The following DACH2 variants were observed in gnomAD, a reference collection of about 807,000 sequenced individuals.
The protein encoded by DACH2 is dachshund family transcription factor 2, also known as dachshund homolog 2.
In DACH2, 17 loss-of-function variants were observed where a neutral mutation model predicts 35.8. The ratio of observed to expected loss-of-function variants is 0.48; its 90% confidence interval spans 0.33 to 0.71. The LOEUF is 0.71. Ranked by LOEUF, DACH2 falls within the 30% of genes least tolerant of loss-of-function variation. The pLI is 0.02. For synonymous variants in DACH2, 195 were observed against 177.3 expected (o/e 1.10, Z -0.79); for missense variants, 469 against 472.7 (o/e 0.99, Z 0.07).
At position 86,646,966 on chromosome X, in the gene DACH2, G is replaced by A. The variant is rs190541057; in HGVS notation, c.641-4070G>A. Reference sequence around the variant, plus strand: ...CATCAGGGAAATGCAAATCAAAACCGTAATGAGATATCACCTCACACTTGT... The same window carrying A: ...CATCAGGGAAATGCAAATCAAAACCATAATGAGATATCACCTCACACTTGT... On this transcript the variant is annotated intron_variant, in intron 3 of 11. Coordinates refer to ENST00000373125, the MANE Select transcript of DACH2 (RefSeq NM_053281.3). 2.0e-3 allele frequency among the ~76,000 whole-genome samples: 223 copies of A among 109,007 alleles called. 1 individual carries two copies. Among genetic ancestry groups the A allele is most frequent in the African/African-American group, 6.8e-3 (206 of 30,259 alleles). The allele number at this position is 109,007 out of a possible 115,157, so 94.7% of individuals were successfully genotyped here. A position where few individuals can be genotyped will look rare whatever the true frequency, so the allele number is the denominator to read the frequency against.
Position 86,243,904 on chromosome X carries a change from C to G in DACH2, c.488+94796C>G, listed in dbSNP as rs1179488137. On this transcript the variant is annotated intron_variant, in intron 1 of 11. Transcript: ENST00000373125. ...ATATGAAGCATCTGTACTTCATCAC[C>G]TTTACATTAGGAAATTGGCAGTATT... 3.6e-5 allele frequency among the ~76,000 whole-genome samples: 4 copies of G among 111,450 alleles called. No homozygotes were observed. The Admixed American group carries it at 3.8e-4, about 11-fold the overall frequency.
chrX:86,500,414 T>C lies in DACH2; in HGVS notation c.528-13865T>C, dbSNP rs137928618. On this transcript the variant is annotated intron_variant, in intron 2 of 11. Coordinates refer to ENST00000373125, the MANE Select transcript of DACH2 (RefSeq NM_053281.3). ...TTTGCCTTTGACTTTAGGTTCTAAA[T>C]AATATGACATACTTCCCTAAGGAAC... Among the ~76,000 whole-genome samples the C allele has an allele frequency of 2.4e-3, 270 of 111,829 alleles. 5 individuals carry two copies. The East Asian group carries it at 0.027, about 11-fold the overall frequency.
intron 2 of DACH2, among the ~76,000 whole-genome samples, chrX:86,460,315 T>G (rs2148208978): frequency 9.0e-6 from 1 of 111,318 alleles, no homozygotes; most frequent in South Asian, 3.7e-4. Flanking sequence ...AAATGTTATG[T>G]GTAAACAAAT....
At chrX:86,417,405 A>G (rs1352981105) in intron 2 of DACH2, among the ~76,000 whole-genome samples, 1 of 112,173 alleles carries the variant, frequency 8.9e-6, no homozygotes, top group African/African-American at 3.2e-5. Context: ...AAAGAAAGAG[A>G]TTTATTAGAC....
chrX:86,805,671 A>C (rs1301083902), intron 7 of DACH2, among the ~76,000 whole-genome samples: 3 of 111,322 alleles, frequency 2.7e-5, no homozygotes, highest in Non-Finnish European at 5.6e-5. Flanking sequence ...CACACATAAA[A>C]GCATACACTG....
intron 1 of DACH2, among the ~76,000 whole-genome samples, chrX:86,358,883 C>A (rs1468515726): frequency 9.0e-6 from 1 of 111,426 alleles, no homozygotes; most frequent in Non-Finnish European, 1.9e-5. Context: ...TTGGAGGGAA[C>A]CTTGAGCTCC....
chrX:86,759,636 G>T (rs2041861662), intron 7 of DACH2, among the ~76,000 whole-genome samples: 1 of 109,740 alleles, frequency 9.1e-6, no homozygotes, highest in African/African-American at 3.3e-5. Flanking sequence ...TACATTCAAG[G>T]TTATTATTGA....
chrX:86,355,038 A>C (rs2035620025), intron 1 of DACH2, among the ~76,000 whole-genome samples: 1 of 111,628 alleles, frequency 9.0e-6, no homozygotes, highest in Non-Finnish European at 1.9e-5. Flanking sequence ...AGTACCTCAT[A>C]GGTAGTTTTC....
intron 2 of DACH2, among the ~76,000 whole-genome samples, chrX:86,416,790 G>A (rs770407772): frequency 2.7e-5 from 3 of 110,187 alleles, no homozygotes; most frequent in East Asian, 5.7e-4. Context: ...GAATTGCCAG[G>A]GACGTTTTAA....
At chrX:86,600,958 G>T (rs1444368861) in intron 3 of DACH2, among the ~76,000 whole-genome samples, 1 of 111,428 alleles carries the variant, frequency 9.0e-6, no homozygotes, top group Non-Finnish European at 1.9e-5. Context: ...AGCTCCTGTG[G>T]TCAGAGAGGG....
chrX:86,232,732 C>T (rs183178461), intron 1 of DACH2, among the ~76,000 whole-genome samples: 77 of 112,207 alleles, frequency 6.9e-4, no homozygotes, highest in African/African-American at 2.4e-3. Flanking sequence ...AATGCTTATA[C>T]GCTGTTGGTG....
At chrX:86,588,354 TGG>T (rs765621736) in intron 3 of DACH2, among the ~76,000 whole-genome samples, 209 of 111,372 alleles carry the variant, frequency 1.9e-3, no homozygotes, top group African/African-American at 6.5e-3. Flanking sequence ...AGGCTCCTAT[TGG>T]GTTCAATATG....
At chrX:86,527,949 A>AAGTCAT (rs2148284600) in intron 3 of DACH2, among the ~76,000 whole-genome samples, 1 of 112,197 alleles carries the variant, frequency 8.9e-6, no homozygotes, top group Admixed American at 9.5e-5. Flanking sequence ...TTTGCATTAA[A>AAGTCAT]GTAAGTCATA....
At chrX:86,551,133 C>T in intron 3 of DACH2, among the ~76,000 whole-genome samples, 1 of 111,783 alleles carries the variant, frequency 8.9e-6, no homozygotes, top group East Asian at 2.8e-4. Flanking sequence ...CATTGCTTTC[C>T]AGTCTATTAT....
At chrX:86,262,241 T>C (rs1366643848) in intron 1 of DACH2, among the ~76,000 whole-genome samples, 1 of 110,925 alleles carries the variant, frequency 9.0e-6, no homozygotes, top group Non-Finnish European at 1.9e-5. Flanking sequence ...TGAGCCATGA[T>C]CCTGCCACTG....
At chrX:86,279,049 G>A (rs1833383912) in intron 1 of DACH2, among the ~76,000 whole-genome samples, 1 of 112,062 alleles carries the variant, frequency 8.9e-6, no homozygotes, top group Non-Finnish European at 1.9e-5. Context: ...CCAGTCAGGG[G>A]CTTATAGATA....
In DACH2 at chrX:86,467,844, C is replaced by T. The variant is rs191187448; in HGVS notation, c.528-46435C>T. Among the ~76,000 whole-genome samples, 313 of 111,561 alleles carry T rather than the reference C, an allele frequency of 2.8e-3. 1 individual carries two copies. The highest frequency in any genetic ancestry group is 1.9e-3 in the Non-Finnish European group (102 of 53,111). On this transcript the variant is annotated intron_variant, in intron 2 of 11. Coordinates refer to ENST00000373125, the MANE Select transcript of DACH2 (RefSeq NM_053281.3). ...CAGCAAGGAAAAGTGCAGAGCAAAGCGGGGAAAGCTTCTTGTAAAACCGTC... is the reference window on the plus strand; with the variant it reads ...CAGCAAGGAAAAGTGCAGAGCAAAGTGGGGAAAGCTTCTTGTAAAACCGTC...
At position 86,426,411 on chromosome X, in the gene DACH2, T is replaced by C. The variant is rs775435119; in HGVS notation, c.527+49549T>C. ...CTTGATTTGGCTGTGTCATCTATGATGTTACTCTAAAAACATCTTTTTAAT... is the reference window on the plus strand; with the variant it reads ...CTTGATTTGGCTGTGTCATCTATGACGTTACTCTAAAAACATCTTTTTAAT... On this transcript the variant is annotated intron_variant, in intron 2 of 11. Coordinates refer to ENST00000373125, the MANE Select transcript of DACH2 (RefSeq NM_053281.3). Among the ~76,000 whole-genome samples the C allele has an allele frequency of 8.1e-5, 9 of 111,628 alleles. No homozygotes were observed. In the East Asian group the frequency reaches 1.7e-3, roughly 21 times the overall value.
chrX:86,546,382 T>TCTG lies in DACH2; in HGVS notation c.640+31993_640+31994insGCT, dbSNP rs1370347516. On this transcript the variant is annotated intron_variant, in intron 3 of 11. Transcript: ENST00000373125. ...CTCTTCTTCTTCTTCTTCTTCTTCT[T>TCTG]CTTCTTCTTCTTCTTCTTCTTCCTT... 5.5e-3 allele frequency among the ~76,000 whole-genome samples: 407 copies of TCTG among 73,421 alleles called. 4 individuals are homozygous for TCTG. Among genetic ancestry groups the TCTG allele is most frequent in the African/African-American group, 0.03 (388 of 12,828 alleles). The allele number at this position is 73,421 out of a possible 115,157, so 63.8% of individuals were successfully genotyped here.
Sources: gnomAD v4.1 joint callset for allele counts (sites outside exome capture counted in the v4.1 genomes callset) on GRCh38, gnomAD v4.1.1 for gene constraint, MANE v1.5 for transcripts, NCBI Gene and HGNC (gene_info 2026-07-23, HGNC 2026-07-21) for gene names.